Variants in C8orf34 observed in about 807,000 individuals in gnomAD.
C8orf34 encodes the protein uncharacterized protein C8orf34.
C8orf34 carries 65 observed loss-of-function variants against 68.3 expected under a neutral mutation model. The observed-to-expected ratio is 0.95, with a 90% confidence interval of 0.78 to 1.17. The LOEUF (loss-of-function observed/expected upper bound fraction) is 1.17. C8orf34 is among the 50% of genes most tolerant of loss of function. C8orf34 has a pLI of 0.00. For synonymous variants in C8orf34, 244 were observed against 241.2 expected, an observed-to-expected ratio of 1.01 and a Z score of -0.11; for missense variants, 664 against 655.4, an observed-to-expected ratio of 1.01 and a Z score of -0.14.
At chr8:68,667,639 A>G (rs4145611) in intron 8 of C8orf34, among the ~76,000 whole-genome samples, 1 of 152,208 alleles carries the variant, frequency 6.6e-6, no homozygotes, top group Admixed American at 6.5e-5. Context: ...CAATGACTAT[A>G]ATTCCAAAAC....
intron 3 of C8orf34, chr8:68,447,908 AT>A: frequency 6.6e-6 from 1 of 152,312 alleles, no homozygotes; most frequent in Non-Finnish European, 1.5e-5. Flanking sequence ...TAAAATTTGC[AT>A]GTCTTTTTTA....
chr8:68,777,800 CTTTA>C (rs1181032144), intron 11 of C8orf34, among the ~76,000 whole-genome samples: 1 of 152,052 alleles, frequency 6.6e-6, no homozygotes, highest in Non-Finnish European at 1.5e-5. Context: ...AAGAGAAAAC[CTTTA>C]TTTATAAATT....
At chr8:68,599,068 T>C (rs1586429999) in intron 7 of C8orf34, among the ~76,000 whole-genome samples, 3 of 152,116 alleles carry the variant, frequency 2.0e-5, no homozygotes, top group South Asian at 2.1e-4. Flanking sequence ...TAAGTTAATA[T>C]AGAAATTCAA....
chr8:68,331,783 C>CTTTTTTTTTTTTTTTTTTTTTTTTTT (rs552564162), intron 1 of C8orf34, among the ~76,000 whole-genome samples: 9 of 29,514 alleles, frequency 3.0e-4, no homozygotes, highest in Admixed American at 6.6e-4. Flanking sequence ...TTCTTTCCTT[C>CTTTTTTTTTTTTTTTTTTTTTTTTTT]TTTTTTTTTT....
intron 7 of C8orf34, among the ~76,000 whole-genome samples, chr8:68,614,399 C>A (rs1168261989): frequency 6.6e-6 from 1 of 152,106 alleles, no homozygotes; most frequent in Non-Finnish European, 1.5e-5. Context: ...CCTAGGTTTT[C>A]TTCTAGGGTT....
Position 68,460,005 on chromosome 8 carries a change from A to G in C8orf34, c.608-8687A>G, listed in dbSNP as rs539484464. Among the ~76,000 whole-genome samples, 311 of 152,288 alleles carry G rather than the reference A, an allele frequency of 2.0e-3. 1 individual carries two copies. The highest frequency in any genetic ancestry group is 6.8e-3 in the African/African-American group (281 of 41,546). ...GACAAGGCATTGCCTCACTCGGGAA[A>G]CACAAGGGGTCAGGGAGTTCCCTTT... is the stretch of plus-strand genomic sequence containing the variant. On this transcript the variant is annotated intron_variant, in intron 3 of 13. Transcript: ENST00000518698.
At chr8:68,606,709 G>T (rs957400449) in intron 7 of C8orf34, among the ~76,000 whole-genome samples, 1 of 152,004 alleles carries the variant, frequency 6.6e-6, no homozygotes, top group African/African-American at 2.4e-5. Flanking sequence ...GAAAGGCAAT[G>T]ATCACTGGAT....
chr8:68,531,084 C>T (rs2129806110), intron 6 of C8orf34, among the ~76,000 whole-genome samples: 1 of 152,164 alleles, frequency 6.6e-6, no homozygotes, highest in East Asian at 1.9e-4. Context: ...GCTGAACCAT[C>T]TGAAAATAAA....
intron 1 of C8orf34, among the ~76,000 whole-genome samples, chr8:68,357,682 T>A (rs1347765821): frequency 6.6e-6 from 1 of 152,214 alleles, no homozygotes; most frequent in Non-Finnish European, 1.5e-5. Flanking sequence ...AGTTGTACAG[T>A]GGAGCGATTG....
intron 7 of C8orf34, among the ~76,000 whole-genome samples, chr8:68,584,536 C>T (rs1176994100): frequency 6.6e-6 from 1 of 152,074 alleles, no homozygotes; most frequent in African/African-American, 2.4e-5. Context: ...AATGTTGTAT[C>T]TCTTAGGCCC....
intron 8 of C8orf34, among the ~76,000 whole-genome samples, chr8:68,670,450 C>T (rs1181037652): frequency 2.6e-5 from 4 of 152,286 alleles, no homozygotes; most frequent in South Asian, 4.1e-4. Flanking sequence ...ACACAGATAA[C>T]CTTTCCATCT....
chr8:68,466,473 T>C (rs1210778859), intron 3 of C8orf34, among the ~76,000 whole-genome samples: 3 of 151,898 alleles, frequency 2.0e-5, no homozygotes, highest in Non-Finnish European at 2.9e-5. Context: ...ACGTGTTATA[T>C]ACATGTAACA....
chr8:68,427,780 CAA>C, intron 1 of C8orf34, among the ~76,000 whole-genome samples: 1 of 151,920 alleles, frequency 6.6e-6, no homozygotes, highest in South Asian at 2.1e-4. Context: ...TTCAAGATAT[CAA>C]CATTGAAAGA....
chr8:68,330,927 G>A, upstream of C8orf34: 1 of 1,100,148 alleles, frequency 9.1e-7, no homozygotes, highest in Non-Finnish European at 1.2e-6. Context: ...GCCCAGAGGA[G>A]AAAGGAACCT....
At chr8:68,368,691 G>A (rs368188903) in intron 1 of C8orf34, among the ~76,000 whole-genome samples, 25 of 152,104 alleles carry the variant, frequency 1.6e-4, no homozygotes, top group East Asian at 1.5e-3. Context: ...AATATTTAAA[G>A]GTTTTTCTCT....
At chr8:68,679,753 T>C (rs897741657) in intron 8 of C8orf34, among the ~76,000 whole-genome samples, 2 of 152,114 alleles carry the variant, frequency 1.3e-5, no homozygotes, top group African/African-American at 4.8e-5. Flanking sequence ...TGGAGCAGAA[T>C]AGAGAACCCA....
chr8:68,535,501 G>C (rs1364240802), intron 7 of C8orf34: 82 of 958,908 alleles, frequency 8.6e-5, no homozygotes, highest in Non-Finnish European at 1.0e-4. Flanking sequence ...CAATAAAATT[G>C]GTTGATTTGA....
intron 7 of C8orf34, among the ~76,000 whole-genome samples, chr8:68,578,889 T>C (rs1053158986): frequency 3.9e-5 from 6 of 152,124 alleles, no homozygotes; most frequent in Admixed American, 3.3e-4. Flanking sequence ...AAGTAAACAA[T>C]GACAATTCCT....
chr8:68,765,463 CA>C (rs1823144581), intron 10 of C8orf34, among the ~76,000 whole-genome samples: 1 of 152,146 alleles, frequency 6.6e-6, no homozygotes, highest in South Asian at 2.1e-4. Context: ...AGTTTGGACC[CA>C]CCAATGGAAA....
Sources: allele counts gnomAD v4.1 joint callset (sites outside exome capture counted in the v4.1 genomes callset), GRCh38; gene constraint gnomAD v4.1.1; transcripts MANE v1.5; gene names NCBI Gene and HGNC (gene_info 2026-07-23, HGNC 2026-07-21).